Variants in PKHD1 observed in about 807,000 individuals in gnomAD.
PKHD1 encodes PKHD1 ciliary IPT domain containing fibrocystin/polyductin.
In PKHD1, 291 loss-of-function variants were observed where a neutral mutation model predicts 412.0. The observed-to-expected ratio is 0.71, with a 90% CI of 0.64 to 0.78. The LOEUF (loss-of-function observed/expected upper bound fraction) is 0.78, where lower values mean the gene tolerates loss of function less well. PKHD1 is among the 30% of genes least tolerant of loss of function. PKHD1 has a pLI of 0.00. For synonymous variants in PKHD1, 1,777 were observed against 1,821.5 expected (o/e 0.98, Z 0.62); for missense variants, 4,825 against 4,950.7 (o/e 0.97, Z 0.76).
chr6:52,085,611 C>T (rs1342638671), intron 1 of PKHD1, among the ~76,000 whole-genome samples: 2 of 152,224 alleles, frequency 1.3e-5, no homozygotes, highest in Non-Finnish European at 2.9e-5. Flanking sequence ...CACCTTCCCC[C>T]TGAACCTCTA....
intron 47 of PKHD1, among the ~76,000 whole-genome samples, chr6:51,869,285 A>G (rs960671625): frequency 6.6e-6 from 1 of 152,068 alleles, no homozygotes; most frequent in Non-Finnish European, 1.5e-5. Context: ...CCTTGCATAT[A>G]CCTTCTTGCA....
intron 35 of PKHD1, among the ~76,000 whole-genome samples, chr6:51,982,838 TA>T (rs1313204005): frequency 3.0e-5 from 4 of 132,440 alleles, no homozygotes; most frequent in Non-Finnish European, 4.9e-5. Context: ...AAATAAAAAA[TA>T]AAAAAATAAA....
At chr6:51,926,124 A>G (rs182984958) in intron 37 of PKHD1, among the ~76,000 whole-genome samples, 4 of 152,200 alleles carry the variant, frequency 2.6e-5, no homozygotes, top group Non-Finnish European at 5.9e-5. Context: ...CCGAAGGAGC[A>G]ATGTCAAACG....
chr6:52,063,513 C>A (rs926359195), intron 13 of PKHD1, among the ~76,000 whole-genome samples: 3 of 152,226 alleles, frequency 2.0e-5, no homozygotes, highest in African/African-American at 4.8e-5. Flanking sequence ...TGTTCCTCAA[C>A]AACTCCTAAA....
At chr6:51,902,722 G>A (rs1211206484) in intron 43 of PKHD1, among the ~76,000 whole-genome samples, 4 of 152,148 alleles carry the variant, frequency 2.6e-5, no homozygotes, top group African/African-American at 7.2e-5. Flanking sequence ...TAGAAAAGGG[G>A]AAATGAAATG....
At chr6:51,838,452 G>A (rs919905914) in intron 50 of PKHD1, among the ~76,000 whole-genome samples, 2 of 152,174 alleles carry the variant, frequency 1.3e-5, no homozygotes, top group Non-Finnish European at 2.9e-5. Context: ...ACCTCCAGGA[G>A]AACTCCCTAC....
Position 51,754,794 on chromosome 6 carries a change from G to C in PKHD1, c.8787C>G (p.His2929Gln). The change falls in exon 56 of 67, where the codon CAC becomes CAG. Residue 2929 changes from histidine to glutamine, a missense_variant. Physicochemically the swap from His to Gln is conservative, Grantham distance 24. Coordinates refer to ENST00000371117, the MANE Select transcript of PKHD1 (RefSeq NM_138694.4). ...HHVRIYERLK[H>Q]RHIGSVHVTE... ...AAACCAAAGCCTTACCAATATGCCG[G>C]TGTTTGAGCCGTTCATAGATCCTCA... The C allele has an allele frequency of 1.2e-6, 2 of 1,613,474 alleles. No individual in the cohort carries two copies. The highest frequency in any genetic ancestry group is 1.7e-6 in the Non-Finnish European group (2 of 1,179,534).
Position 52,053,185 on chromosome 6 carries a change from AG to A in PKHD1, c.2030del (p.Pro677LeufsTer36). ...GAACCAGCACTGGGGAGTTTGCCGGAGGGGGCTGGAGATCCCCGAAGCAACG... is the reference window on the plus strand; with the variant it reads ...GAACCAGCACTGGGGAGTTTGCCGGAGGGGCTGGAGATCCCCGAAGCAACG... ...CVRCFGDLQP[P>X]PANSPVLVHQ... On this transcript the variant is annotated frameshift_variant, in exon 21 of 67. Transcript: ENST00000371117. LOFTEE classifies it high-confidence loss of function. 6.2e-7 allele frequency: 1 copy of A among 1,614,172 alleles called. No individual in the cohort carries two copies. The highest frequency in any genetic ancestry group is 8.5e-7 in the Non-Finnish European group (1 of 1,180,006).
chr6:51,855,071 G>C (rs1773032495), intron 49 of PKHD1, among the ~76,000 whole-genome samples: 1 of 152,180 alleles, frequency 6.6e-6, no homozygotes, highest in South Asian at 2.1e-4. Context: ...GGGATCTTCC[G>C]ACCCATGGGT....
At chr6:51,773,579 C>T (rs558578190) in intron 54 of PKHD1, among the ~76,000 whole-genome samples, 1 of 151,186 alleles carries the variant, frequency 6.6e-6, no homozygotes, top group African/African-American at 2.4e-5. Flanking sequence ...TATGAATATA[C>T]TAATATATAT....
rs727504096 is a variant in PKHD1 at position 52,079,920 on chromosome 6, G to T, written c.370C>A (p.Arg124=). The T allele has an allele frequency of 1.3e-6, 2 of 1,596,300 alleles. No individual in the cohort carries two copies. The highest frequency in any genetic ancestry group is 1.7e-6 in the Non-Finnish European group (2 of 1,163,924). The change falls in exon 5 of 67, where the codon CGA becomes AGA. Residue 124 remains arginine, a synonymous_variant. Coordinates refer to ENST00000371117, the MANE Select transcript of PKHD1 (RefSeq NM_138694.4). ...CCCACCTTGAAAGTACAGCTATCTC[G>T]TGGTCCTGGATTTGGACTGCTTACC... is the stretch of plus-strand genomic sequence containing the variant. ...QLVSSPNPGP[R]DSCTFKFSKA...
intron 13 of PKHD1, among the ~76,000 whole-genome samples, chr6:52,063,915 A>T (rs558596605): frequency 6.6e-6 from 1 of 152,228 alleles, no homozygotes; most frequent in African/African-American, 2.4e-5. Flanking sequence ...TTATCCTACC[A>T]CTACCCAAGT....
intron 35 of PKHD1, among the ~76,000 whole-genome samples, chr6:52,002,535 C>G (rs1168261849): frequency 6.6e-6 from 1 of 152,172 alleles, no homozygotes; most frequent in Non-Finnish European, 1.5e-5. Context: ...CCAGGACAGC[C>G]AGGTCAGGGG....
Position 52,044,948 on chromosome 6 carries a change from T to C in PKHD1, c.2715+18A>G. On this transcript the variant is annotated intron_variant, in intron 25 of 66. Transcript: ENST00000371117. ...TTGAAACTGGAGCTTGCACTTAGGG[T>C]GGCCCATTCACTCTCACCTGAGTAT... The C allele has an allele frequency of 6.2e-7, 1 of 1,613,088 alleles. No individual in the cohort carries two copies. The highest frequency in any genetic ancestry group is 8.5e-7 in the Non-Finnish European group (1 of 1,179,250).
At chr6:51,913,642 T>A (rs1405214998) in intron 37 of PKHD1, among the ~76,000 whole-genome samples, 2 of 152,158 alleles carry the variant, frequency 1.3e-5, no homozygotes. Flanking sequence ...CTTGTTGTAC[T>A]AAAGTAAAGT....
intron 35 of PKHD1, among the ~76,000 whole-genome samples, chr6:51,970,231 TG>T (rs1373342084): frequency 6.6e-6 from 1 of 152,230 alleles, no homozygotes; most frequent in Non-Finnish European, 1.5e-5. Context: ...GCCATTTCTG[TG>T]TCTTCCTCTA....
chr6:51,850,354 T>C (rs574515850), intron 49 of PKHD1, among the ~76,000 whole-genome samples: 2 of 152,350 alleles, frequency 1.3e-5, no homozygotes, highest in South Asian at 4.1e-4. Flanking sequence ...TTCTTTTGCT[T>C]AGGATTGTCT....
Position 51,911,932 on chromosome 6 carries a change from A to G in PKHD1, c.6357T>C (p.Asn2119=), listed in dbSNP as rs995717817. ...PLRYSHNFTE[N]WVAGEHHILK... ...AAATATGGTGCTCTCCAGCCACCCA[A>G]TTCTCTGTAAAGTTGTGAGAATATC... Residue 2119 remains asparagine (N), a synonymous_variant, in exon 39 of 67, where the codon AAT becomes AAC. Transcript: ENST00000371117. 2.5e-6 allele frequency: 4 copies of G among 1,611,940 alleles called. No individual in the cohort carries two copies. The highest frequency in any genetic ancestry group is 2.5e-6 in the Non-Finnish European group (3 of 1,178,756).
Position 51,867,902 on chromosome 6 carries a change from C to G in PKHD1, c.7694G>C (p.Cys2565Ser), listed in dbSNP as rs1336917781. ...ACGATGAAAAAGAACACCTCCTCCA[C>G]AGGCACTGCCATGGACAACCCGACC... is the stretch of plus-strand genomic sequence containing the variant. ...SFGRVVHGSA[C>S]GGGVLFHRMS... Residue 2565 changes from cysteine (C) to serine (S), a missense_variant, in exon 48 of 67, where the codon TGT becomes TCT. Cys to Ser is a moderately radical substitution (Grantham distance 112). Transcript: ENST00000371117. 2 of 1,613,176 alleles carry G rather than the reference C, an allele frequency of 1.2e-6. No individual in the cohort carries two copies. The highest frequency in any genetic ancestry group is 1.7e-5 in the Admixed American group (1 of 59,952).
Sources: gnomAD v4.1 joint callset for allele counts (sites outside exome capture counted in the v4.1 genomes callset) on GRCh38, gnomAD v4.1.1 for gene constraint, MANE v1.5 for transcripts, NCBI Gene and HGNC (gene_info 2026-07-23, HGNC 2026-07-21) for gene names.